Variants in SURF4 observed in about 807,000 individuals in gnomAD.
SURF4 encodes the protein surfeit locus protein 4.
A neutral mutation model predicts 30.0 loss-of-function variants in SURF4; 3 were observed. That is an observed-to-expected ratio of 0.10 (90% confidence interval 0.05 to 0.26). The LOEUF is 0.26. Among genes scored for constraint, SURF4 ranks in the 10% least tolerant of loss-of-function variants. The pLI is 1.00. For missense variants in SURF4, 217 were observed against 350.8 expected, an observed-to-expected ratio of 0.62 and a Z score of 3.05; for synonymous variants, 143 against 139.9, an observed-to-expected ratio of 1.02 and a Z score of -0.16.
chr9:133,366,017 G>A lies in SURF4; in HGVS notation c.324C>T (p.Tyr108=), dbSNP rs200231117. ...FGIIALQTIA[Y]SILWDLKFLM... ...AAAACTTCAAGTCCCATAAAATGCT[G>A]TAGGCAATCGTCTGAGGGGAAAGAA... Residue 108 remains tyrosine (Y), a synonymous_variant, in exon 4 of 6, where the codon TAC becomes TAT. Coordinates refer to ENST00000371989, the MANE Select transcript of SURF4 (RefSeq NM_033161.4). The A allele has an allele frequency of 3.1e-6, 5 of 1,614,084 alleles. No homozygotes were observed. Among genetic ancestry groups the A allele is most frequent in the African/African-American group, 2.7e-5 (2 of 75,052 alleles).
At chr9:133,368,828 T>C (rs1246702536) in intron 1 of SURF4, among the ~76,000 whole-genome samples, 1 of 152,088 alleles carries the variant, frequency 6.6e-6, no homozygotes, top group African/African-American at 2.4e-5. Flanking sequence ...AGCAAGTCCT[T>C]CGGAGAAAGA....
chr9:133,368,292 T>C (rs2130156483), intron 1 of SURF4, among the ~76,000 whole-genome samples: 17 of 152,210 alleles, frequency 1.1e-4, no homozygotes, highest in African/African-American at 4.1e-4. Flanking sequence ...GGCCACATGG[T>C]TGACTGAATA....
At chr9:133,372,138 A>G (rs2130194706) in intron 1 of SURF4, among the ~76,000 whole-genome samples, 2 of 152,344 alleles carry the variant, frequency 1.3e-5, no homozygotes, top group South Asian at 2.1e-4. Context: ...CCAAATGCCA[A>G]GCTCCTGCAT....
In SURF4 at chr9:133,363,477, TA is replaced by T. The variant is rs2130087078; in HGVS notation, c.*15del. 1 of 1,614,232 alleles carries T rather than the reference TA, an allele frequency of 6.2e-7. No individual in the cohort carries two copies. The highest frequency in any genetic ancestry group is 8.5e-7 in the Non-Finnish European group (1 of 1,180,044). ...CGGCCACGGGTCTTAGCCAGGCAGGTAGGGATCTGTGACTGTTACCACTCCT... is the reference window on the plus strand; with the variant it reads ...CGGCCACGGGTCTTAGCCAGGCAGGTGGGATCTGTGACTGTTACCACTCCT... On this transcript the variant is annotated 3_prime_UTR_variant, in exon 6 of 6. Coordinates refer to ENST00000371989, the MANE Select transcript of SURF4 (RefSeq NM_033161.4). The surrounding 1 kb of genome is among the most constrained non-coding windows in gnomAD (Gnocchi z 4.3).
At chr9:133,366,778 C>A in intron 2 of SURF4, 103 bp from the exon 3 acceptor site, 1 of 980,712 alleles carries the variant, frequency 1.0e-6, no homozygotes, top group South Asian at 1.4e-5. Context: ...CCAGAGGCAG[C>A]CAAACCACCT....
intron 1 of SURF4, chr9:133,370,923 A>G: frequency 5.4e-6 from 7 of 1,289,742 alleles, no homozygotes; most frequent in Non-Finnish European, 7.1e-6. Context: ...CCGCGCCATC[A>G]AGCAGGATAT....
chr9:133,373,563 A>G (rs1358067146), intron 1 of SURF4, among the ~76,000 whole-genome samples: 2 of 151,868 alleles, frequency 1.3e-5, no homozygotes, highest in Non-Finnish European at 2.9e-5. Context: ...AGATTGCGCC[A>G]CTGCACTCCA....
intron 1 of SURF4, chr9:133,371,191 G>A: frequency 2.1e-6 from 2 of 945,658 alleles, no homozygotes; most frequent in Non-Finnish European, 2.5e-6. Context: ...CGTGGTGAAT[G>A]TGAACATCGA....
chr9:133,363,622 G>A lies in SURF4; in HGVS notation c.681C>T (p.Val227=). The A allele has an allele frequency of 6.2e-7, 1 of 1,614,190 alleles. No individual in the cohort carries two copies. The highest frequency in any genetic ancestry group is 8.5e-7 in the Non-Finnish European group (1 of 1,180,044). Reference sequence around the variant, plus strand: ...TCAGGAAGTCATGCATGGGCTTGTAGACTGGAATGGTCCAGAAGGCGTTGA... The same window carrying A: ...TCAGGAAGTCATGCATGGGCTTGTAAACTGGAATGGTCCAGAAGGCGTTGA... ...VYFNAFWTIP[V]YKPMHDFLKY... Residue 227 remains valine (V), a synonymous_variant, in exon 6 of 6, where the codon GTC becomes GTT. Transcript: ENST00000371989. The surrounding 1 kb of genome is among the most constrained non-coding windows in gnomAD (Gnocchi z 4.3).
chr9:133,377,222 TA>T (rs2130253101), upstream of SURF4, among the ~76,000 whole-genome samples: 36 of 150,954 alleles, frequency 2.4e-4, no homozygotes, highest in African/African-American at 8.5e-4. Flanking sequence ...TTTTTCAGAT[TA>T]AAAAAAAATA....
rs1284234638 is a variant in SURF4 at position 133,362,855 on chromosome 9, C to T, written c.*638G>A. The stretch of plus-strand genomic sequence containing the variant: ...TGTTACCCAATAAAACACTTGGCAC[C>T]AATCCAAGCTGATTTTCTGACCGAT... On this transcript the variant is annotated 3_prime_UTR_variant, in exon 6 of 6. Coordinates refer to ENST00000371989, the MANE Select transcript of SURF4 (RefSeq NM_033161.4). 3 of 159,304 alleles carry T rather than the reference C, an allele frequency of 1.9e-5. No individual in the cohort carries two copies. Among genetic ancestry groups the T allele is most frequent in the Admixed American group, 1.8e-4 (3 of 16,484 alleles). 9.9% of individuals were successfully genotyped at this position (159,304 alleles called of 1,614,324 possible).
At chr9:133,374,652 A>G (rs931992193) in intron 1 of SURF4, among the ~76,000 whole-genome samples, 2 of 152,320 alleles carry the variant, frequency 1.3e-5, no homozygotes, top group African/African-American at 4.8e-5. Context: ...ATGCTTCGTC[A>G]AGTTGATTAC....
intron 1 of SURF4, chr9:133,371,162 G>C: frequency 2.0e-6 from 2 of 984,048 alleles, no homozygotes; most frequent in Non-Finnish European, 2.4e-6. Context: ...AAGAAATTGA[G>C]GAAAGCAGCT....
In SURF4 at chr9:133,366,630, C is replaced by G. The variant is rs2130129443; in HGVS notation, c.281G>C (p.Cys94Ser). Residue 94 changes from cysteine to serine, a missense_variant, in exon 3 of 6, where the codon TGC becomes TCC. By Grantham distance (112) the Cys-to-Ser change is moderately radical. Transcript: ENST00000371989. Reference protein sequence around the residue: ...VLSRNFVQYACFGLFGIIALQ... With the variant: ...VLSRNFVQYASFGLFGIIALQ... ...AGCTATGATTCCAAAGAGCCCGAAG[C>G]AGGCGTACTGCACGAAGTTCCTGCT... 6.2e-7 allele frequency: 1 copy of G among 1,613,972 alleles called. No homozygotes were observed. Among genetic ancestry groups the G allele is most frequent in the Non-Finnish European group, 8.5e-7 (1 of 1,180,026 alleles).
chr9:133,368,335 C>T (rs1364454046), intron 1 of SURF4, among the ~76,000 whole-genome samples: 1 of 152,222 alleles, frequency 6.6e-6, no homozygotes, highest in Non-Finnish European at 1.5e-5. Flanking sequence ...CCGAAAATCT[C>T]CAGAGCAGCA....
At position 133,363,281 on chromosome 9, in the gene SURF4, C is replaced by A; in HGVS notation, c.*212G>T. 1.2e-6 allele frequency: 1 copy of A among 867,512 alleles called. No individual in the cohort carries two copies. The highest frequency in any genetic ancestry group is 1.9e-6 in the Non-Finnish European group (1 of 530,258). 53.7% of individuals were successfully genotyped at this position (867,512 alleles called of 1,614,324 possible). A position where few individuals can be genotyped will look rare whatever the true frequency, so the allele number is the denominator to read the frequency against. On this transcript the variant is annotated 3_prime_UTR_variant, in exon 6 of 6. Transcript: ENST00000371989. This position sits in a 1 kb window ranked among gnomAD's most constrained non-coding sequence, Gnocchi z 4.3. ...CTTCCAGCTGCCAGGCTGGCCTGCACTGAAGGGTCAGACGCCAGACTGTGG... is the reference window on the plus strand; with the variant it reads ...CTTCCAGCTGCCAGGCTGGCCTGCAATGAAGGGTCAGACGCCAGACTGTGG...
chr9:133,369,636 G>A (rs2130171548), intron 1 of SURF4, among the ~76,000 whole-genome samples: 20 of 152,220 alleles, frequency 1.3e-4, no homozygotes, highest in Non-Finnish European at 8.8e-5. Flanking sequence ...TGGTGGGAAA[G>A]GTGACGCCAC....
chr9:133,363,895 G>A lies in SURF4; in HGVS notation c.544-136C>T, dbSNP rs1217853188. 3 of 1,095,820 alleles carry A rather than the reference G, an allele frequency of 2.7e-6. No homozygotes were observed. Among genetic ancestry groups the A allele is most frequent in the African/African-American group, 1.6e-5 (1 of 64,088 alleles). The allele number at this position is 1,095,820 out of a possible 1,614,324, so 67.9% of individuals were successfully genotyped here. A position where few individuals can be genotyped will look rare whatever the true frequency, so the allele number is the denominator to read the frequency against. The stretch of plus-strand genomic sequence containing the variant: ...TGTAGCTACTGCTGAGACGGCTGCT[G>A]GTGCAAGTAGGGAGATAAAAGCCAA... On this transcript the variant is annotated intron_variant, in intron 5 of 5. Coordinates refer to ENST00000371989, the MANE Select transcript of SURF4 (RefSeq NM_033161.4). The surrounding 1 kb of genome is among the most constrained non-coding windows in gnomAD (Gnocchi z 4.3).
chr9:133,370,009 AG>A (rs1837407269), intron 1 of SURF4, among the ~76,000 whole-genome samples: 1 of 152,246 alleles, frequency 6.6e-6, no homozygotes, highest in Non-Finnish European at 1.5e-5. Flanking sequence ...GACAGACACC[AG>A]AGGTGTTCTG....
Sources: gnomAD v4.1 joint callset for allele counts (sites outside exome capture counted in the v4.1 genomes callset) on GRCh38, gnomAD v4.1.1 for gene constraint, Gnocchi (gnomAD v3.1) non-coding constraint, MANE v1.5 for transcripts, NCBI Gene and HGNC (gene_info 2026-07-23, HGNC 2026-07-21) for gene names.